The following HIPK2 variants were observed in gnomAD, a reference collection of about 807,000 sequenced individuals.
HIPK2 encodes homeodomain-interacting protein kinase 2.
HIPK2 carries 27 observed loss-of-function variants against 113.7 expected under a neutral mutation model. That is an observed-to-expected ratio of 0.24 (90% confidence interval 0.17 to 0.33). The LOEUF (loss-of-function observed/expected upper bound fraction) is 0.33, where lower values mean the gene tolerates loss of function less well. Among genes scored for constraint, HIPK2 ranks in the 10% least tolerant of loss-of-function variants. The pLI is 1.00. For missense variants in HIPK2, 1,257 were observed against 1,588.0 expected, an observed-to-expected ratio of 0.79 and a Z score of 3.54; for synonymous variants, 631 against 642.2, an observed-to-expected ratio of 0.98 and a Z score of 0.26.
intron 10 of HIPK2, among the ~76,000 whole-genome samples, chr7:139,601,160 C>T (rs1201168567): frequency 1.3e-5 from 2 of 151,580 alleles, no homozygotes; most frequent in Non-Finnish European, 2.9e-5. Context: ...GGCAGGATCA[C>T]TTAAGCCTGG....
chr7:139,644,781 T>C (rs1801149851), intron 2 of HIPK2, among the ~76,000 whole-genome samples: 1 of 152,226 alleles, frequency 6.6e-6, no homozygotes, highest in Non-Finnish European at 1.5e-5. Context: ...GGATTTGGAA[T>C]TTCAATTCCT....
At chr7:139,673,484 G>C (rs1251817382) in intron 2 of HIPK2, among the ~76,000 whole-genome samples, 1 of 152,068 alleles carries the variant, frequency 6.6e-6, no homozygotes, top group Non-Finnish European at 1.5e-5. Context: ...GCCTCTTTTT[G>C]TAACACTAAG....
In HIPK2 at chr7:139,716,026, T is replaced by C; in HGVS notation, c.1009A>G (p.Arg337Gly). 6.2e-7 allele frequency: 1 copy of C among 1,614,104 alleles called. No individual in the cohort carries two copies. The highest frequency in any genetic ancestry group is 8.5e-7 in the Non-Finnish European group (1 of 1,179,986). ...ATGACCTTGACTCTGTATGGTTGTC[T>C]AGATGGATCCACCAGCATGATGTTT... is the stretch of plus-strand genomic sequence containing the variant. ...PENIMLVDPS[R>G]QPYRVKVIDF... Residue 337 changes from arginine (R) to glycine (G), a missense_variant, in exon 2 of 15, where the codon AGA becomes GGA. Arg to Gly is a moderately radical substitution (Grantham distance 125). Around this residue, in one of 5 missense-constraint regions of HIPK2, gnomAD observed 84 missense variants for 182.2 expected, o/e 0.46. Coordinates refer to ENST00000406875, the MANE Select transcript of HIPK2 (RefSeq NM_022740.5). This position sits in a 1 kb window ranked among gnomAD's most constrained non-coding sequence, Gnocchi z 9.3.
intron 2 of HIPK2, among the ~76,000 whole-genome samples, chr7:139,688,909 G>A (rs1794315099): frequency 6.6e-6 from 1 of 152,112 alleles, no homozygotes; most frequent in Non-Finnish European, 1.5e-5. Context: ...AGACTTCTGG[G>A]TACATTCAGG....
At chr7:139,614,247 G>C in intron 8 of HIPK2, 39 bp downstream of exon 8, 1 of 1,377,170 alleles carries the variant, frequency 7.3e-7, no homozygotes, top group African/African-American at 1.5e-5. Context: ...AGGCCGTTCT[G>C]TAAGAAGCAG....
intron 9 of HIPK2, among the ~76,000 whole-genome samples, chr7:139,608,974 T>A (rs760084256): frequency 2.2e-4 from 33 of 152,094 alleles, no homozygotes; most frequent in Non-Finnish European, 8.8e-5. Flanking sequence ...GAGGTTCAGG[T>A]GATATGATTT....
intron 12 of HIPK2, among the ~76,000 whole-genome samples, chr7:139,588,325 C>A (rs148300375): frequency 6.7e-6 from 1 of 150,044 alleles, no homozygotes; most frequent in Non-Finnish European, 1.5e-5. Context: ...CCCCACACCG[C>A]GCTGGCCCCC....
chr7:139,718,686 T>C (rs1277708319), intron 1 of HIPK2, among the ~76,000 whole-genome samples: 1 of 152,216 alleles, frequency 6.6e-6, no homozygotes, highest in Admixed American at 6.5e-5. Flanking sequence ...CTGTACTTAA[T>C]TGGATCCAAG....
chr7:139,602,831 A>T (rs1799483898), intron 10 of HIPK2, among the ~76,000 whole-genome samples: 1 of 151,962 alleles, frequency 6.6e-6, no homozygotes, highest in Non-Finnish European at 1.5e-5. Context: ...CTTACTTTAA[A>T]CCTCCCAACA....
intron 1 of HIPK2, among the ~76,000 whole-genome samples, chr7:139,717,555 C>T (rs1795284731): frequency 6.6e-6 from 1 of 152,126 alleles, no homozygotes; most frequent in Non-Finnish European, 1.5e-5. Flanking sequence ...GTCATCGATT[C>T]TGTAGGGTTT....
intron 1 of HIPK2, among the ~76,000 whole-genome samples, chr7:139,720,900 G>T (rs111334459): frequency 6.6e-6 from 1 of 152,148 alleles, no homozygotes; most frequent in East Asian, 1.9e-4. Flanking sequence ...GGCCGTCCAC[G>T]GTGCAGAAGT....
At chr7:139,618,198 T>A (rs1800121825) in intron 7 of HIPK2, among the ~76,000 whole-genome samples, 1 of 152,202 alleles carries the variant, frequency 6.6e-6, no homozygotes, top group African/African-American at 2.4e-5. Flanking sequence ...CTGGGAGGAT[T>A]AAGAGTTATG....
At chr7:139,753,378 T>C (rs1796311703) in intron 1 of HIPK2, among the ~76,000 whole-genome samples, 1 of 152,188 alleles carries the variant, frequency 6.6e-6, no homozygotes. Context: ...GGAGCCTTCC[T>C]ACATGTCACA....
intron 1 of HIPK2, among the ~76,000 whole-genome samples, chr7:139,766,259 T>C (rs952912034): frequency 6.6e-6 from 1 of 152,246 alleles, no homozygotes; most frequent in East Asian, 1.9e-4. Flanking sequence ...AAAATCTTAG[T>C]GCAGAACTGG....
chr7:139,660,881 A>T (rs1801844572), intron 2 of HIPK2, among the ~76,000 whole-genome samples: 1 of 152,230 alleles, frequency 6.6e-6, no homozygotes, highest in Admixed American at 6.5e-5. Flanking sequence ...TGAGCACAAA[A>T]GGGGAGCTAC....
intron 13 of HIPK2, among the ~76,000 whole-genome samples, chr7:139,579,855 C>G (rs920684227): frequency 2.6e-5 from 4 of 152,246 alleles, no homozygotes; most frequent in South Asian, 4.1e-4. Context: ...CGGAATCCCT[C>G]GAGTAGGTAC....
rs774038916 is a variant in HIPK2 at position 139,573,234 on chromosome 7, G to T, written c.3290C>A (p.Pro1097His). 3.1e-6 allele frequency: 5 copies of T among 1,605,296 alleles called. No individual in the cohort carries two copies. In the Admixed American group the frequency reaches 6.7e-5, roughly 21 times the overall value. The change falls in exon 15 of 15, where the codon CCC becomes CAC. Residue 1097 changes from proline to histidine, a missense_variant. Around this residue, in one of 5 missense-constraint regions of HIPK2, gnomAD observed 862 missense variants for 1,004.3 expected, o/e 0.86. Coordinates refer to ENST00000406875, the MANE Select transcript of HIPK2 (RefSeq NM_022740.5). ...GTAGGTGTAGAGGTGGGGCTGGGTGGGGAGGTGGGCAGCGGCAGCGGCTGC... is the reference window on the plus strand; with the variant it reads ...GTAGGTGTAGAGGTGGGGCTGGGTGTGGAGGTGGGCAGCGGCAGCGGCTGC... ...LAAAAAAAHL[P>H]TQPHLYTYTA...
intron 2 of HIPK2, among the ~76,000 whole-genome samples, chr7:139,647,442 CTGTT>C (rs1319218914): frequency 1.3e-5 from 2 of 152,156 alleles, no homozygotes; most frequent in African/African-American, 4.8e-5. Flanking sequence ...GGATTTCTTA[CTGTT>C]TATTTACTTT....
At position 139,561,818 on chromosome 7, in the gene HIPK2, TA is replaced by T. The variant is rs1797957020; in HGVS notation, c.*11108del. On this transcript the variant is annotated 3_prime_UTR_variant, in exon 15 of 15. Coordinates refer to ENST00000406875, the MANE Select transcript of HIPK2 (RefSeq NM_022740.5). ...CAATTAAAATAACTATATTCTTCTA[TA>T]TTTTTTCTGTTAAAATCATCTCATA... The T allele has an allele frequency of 6.6e-6, 1 of 151,828 alleles. No homozygotes were observed. The highest frequency in any genetic ancestry group is 1.5e-5 in the Non-Finnish European group (1 of 67,986). 9.4% of individuals were successfully genotyped at this position (151,828 alleles called of 1,614,324 possible). A position where few individuals can be genotyped will look rare whatever the true frequency, so the allele number is the denominator to read the frequency against.
Sources: gnomAD v4.1 joint callset for allele counts (sites outside exome capture counted in the v4.1 genomes callset) on GRCh38, gnomAD v4.1.1 for gene constraint, gnomAD v4.1.1 regional missense constraint, Gnocchi (gnomAD v3.1) non-coding constraint, MANE v1.5 for transcripts, NCBI Gene and HGNC (gene_info 2026-07-23, HGNC 2026-07-21) for gene names.